The following AFF4 variants were observed in gnomAD, a reference collection of about 807,000 sequenced individuals.
AFF4 encodes the protein AF4/FMR2 family member 4.
AFF4 carries 13 observed loss-of-function variants against 124.8 expected under a neutral mutation model. The ratio of observed to expected loss-of-function variants is 0.10; its 90% CI spans 0.07 to 0.17. The LOEUF (loss-of-function observed/expected upper bound fraction) is 0.17, where lower values mean the gene tolerates loss of function less well. Ranked by LOEUF, AFF4 falls within the 10% of genes least tolerant of loss-of-function variation. AFF4 has a pLI of 1.00. For missense variants in AFF4, 1,092 were observed against 1,403.8 expected (o/e 0.78, Z 3.55); for synonymous variants, 477 against 496.1 (o/e 0.96, Z 0.51).
rs1759822188 is a variant in AFF4, at chr5:132,875,673, T to C, written c.*5386A>G. 5.0e-6 allele frequency: 1 copy of C among 200,748 alleles called. No homozygotes were observed. Among genetic ancestry groups the C allele is most frequent in the Admixed American group, 6.0e-5 (1 of 16,642 alleles). 12.4% of individuals were successfully genotyped at this position (200,748 alleles called of 1,614,324 possible). A position where few individuals can be genotyped will look rare whatever the true frequency, so the allele number is the denominator to read the frequency against. ...AAAATCTAGTTAGTATATAATACTT[T>C]GCTCACCATTAACAGCTTTATCGTG... On this transcript the variant is annotated 3_prime_UTR_variant, in exon 21 of 21. Coordinates refer to ENST00000265343, the MANE Select transcript of AFF4 (RefSeq NM_014423.4).
chr5:132,921,473 CTTTTT>C (rs142500965), intron 5 of AFF4, among the ~76,000 whole-genome samples: 1 of 119,896 alleles, frequency 8.3e-6, no homozygotes, highest in African/African-American at 2.8e-5. Context: ...TTTTTTTTTT[CTTTTT>C]TTTTTTTTTG....
intron 9 of AFF4, 102 bp from the exon 10 acceptor site, chr5:132,898,494 T>C: frequency 1.6e-6 from 2 of 1,253,810 alleles, no homozygotes; most frequent in Non-Finnish European, 2.2e-6. Context: ...TCTTGTCTTT[T>C]TTTTTTTTAG....
chr5:132,900,861 A>G, intron 7 of AFF4: 1 of 981,332 alleles, frequency 1.0e-6, no homozygotes, highest in Non-Finnish European at 1.2e-6. Context: ...CATTATCAGT[A>G]ATTCCATTAC....
At chr5:132,926,400 G>C (rs1478531839) in intron 5 of AFF4, among the ~76,000 whole-genome samples, 1 of 152,166 alleles carries the variant, frequency 6.6e-6, no homozygotes, top group East Asian at 1.9e-4. Flanking sequence ...CCTTGGAACT[G>C]TTATCTGAGG....
chr5:132,957,215 C>T (rs1188201043), intron 1 of AFF4, among the ~76,000 whole-genome samples: 2 of 151,330 alleles, frequency 1.3e-5, no homozygotes, highest in Non-Finnish European at 2.9e-5. Flanking sequence ...GTGGCTCGTG[C>T]CTGTAGTCCT....
intron 1 of AFF4, among the ~76,000 whole-genome samples, chr5:132,946,278 A>T (rs1057279749): frequency 6.6e-6 from 1 of 152,196 alleles, no homozygotes; most frequent in Non-Finnish European, 1.5e-5. Context: ...TTAACAAATA[A>T]TTACCATAGG....
intron 14 of AFF4, among the ~76,000 whole-genome samples, chr5:132,888,561 AGGC>A (rs1760175955): frequency 1.3e-5 from 2 of 152,234 alleles, no homozygotes; most frequent in Non-Finnish European, 2.9e-5. Flanking sequence ...TTCTACTGGA[AGGC>A]AGATCATTCA....
rs1160529687 is a variant in AFF4, at chr5:132,876,725, C to T, written c.*4334G>A. 1.5e-5 allele frequency: 3 copies of T among 197,092 alleles called. No homozygotes were observed. The highest frequency in any genetic ancestry group is 2.3e-5 in the African/African-American group (1 of 43,290). 12.2% of individuals were successfully genotyped at this position (197,092 alleles called of 1,614,324 possible). A position where few individuals can be genotyped will look rare whatever the true frequency, so the allele number is the denominator to read the frequency against. Reference sequence around the variant, plus strand: ...TTCCCTTTTCTGGAGACAGCAAGTTCTTTCTAATTAACCATAGGGTTCATG... The same window carrying T: ...TTCCCTTTTCTGGAGACAGCAAGTTTTTTCTAATTAACCATAGGGTTCATG... On this transcript the variant is annotated 3_prime_UTR_variant, in exon 21 of 21. Transcript: ENST00000265343.
At chr5:132,890,416 G>A (rs1439348866) in intron 13 of AFF4, among the ~76,000 whole-genome samples, 2 of 151,950 alleles carry the variant, frequency 1.3e-5, no homozygotes, top group Non-Finnish European at 2.9e-5. Context: ...TACAGGCCGT[G>A]AGCCACCATG....
At chr5:132,881,457 G>C (rs1484732491) in intron 20 of AFF4, among the ~76,000 whole-genome samples, 4 of 152,118 alleles carry the variant, frequency 2.6e-5, no homozygotes, top group Non-Finnish European at 5.9e-5. Context: ...ATGATAAATT[G>C]CTATTATGCA....
chr5:132,889,215 G>T, intron 13 of AFF4, 42 bp from the exon 14 acceptor site: 2 of 1,387,698 alleles, frequency 1.4e-6, no homozygotes, highest in Non-Finnish European at 2.0e-6. Flanking sequence ...ACCGTAAGGA[G>T]ATTAAAAATG....
rs993728462 is a variant in AFF4, at chr5:132,957,571, A to T, written c.-5+5688T>A. 5.3e-5 allele frequency among the ~76,000 whole-genome samples: 8 copies of T among 151,886 alleles called. No individual in the cohort carries two copies. The South Asian group carries it at 1.0e-3, about 20-fold the overall frequency. On this transcript the variant is annotated intron_variant, in intron 1 of 20. Coordinates refer to ENST00000265343, the MANE Select transcript of AFF4 (RefSeq NM_014423.4). Reference sequence around the variant, plus strand: ...AACATGGCAAAACCCTGTCTCTACTAAAAATACAAAAATTGGCTGGGCATG... The same window carrying T: ...AACATGGCAAAACCCTGTCTCTACTTAAAATACAAAAATTGGCTGGGCATG...
At chr5:132,936,266 C>CATA (rs1554077587) in intron 2 of AFF4, among the ~76,000 whole-genome samples, 2 of 45,460 alleles carry the variant, frequency 4.4e-5, no homozygotes, top group Non-Finnish European at 7.9e-5. Flanking sequence ...GACTCCGTCT[C>CATA]AAAAAAAAAA....
intron 13 of AFF4, 88 bp from the exon 14 acceptor site, chr5:132,889,261 GAA>G: frequency 1.1e-6 from 1 of 889,856 alleles, no homozygotes; most frequent in East Asian, 2.6e-5. Flanking sequence ...TGGTAAAAAG[GAA>G]ACAAAATTTC....
rs974411482 is a variant in AFF4, at chr5:132,878,858, C to G, written c.*2201G>C. 2 of 223,984 alleles carry G rather than the reference C, an allele frequency of 8.9e-6. No individual in the cohort carries two copies. Among genetic ancestry groups the G allele is most frequent in the African/African-American group, 4.5e-5 (2 of 44,862 alleles). 13.9% of individuals were successfully genotyped at this position (223,984 alleles called of 1,614,324 possible). A position where few individuals can be genotyped will look rare whatever the true frequency, so the allele number is the denominator to read the frequency against. On this transcript the variant is annotated 3_prime_UTR_variant, in exon 21 of 21. Transcript: ENST00000265343. ...AACACAAGAACTCAGAGGTATCCCA[C>G]TGGCTGTTGTTGCTGAAAGTCTGAA...
intron 1 of AFF4, among the ~76,000 whole-genome samples, chr5:132,954,798 C>T (rs77477294): frequency 0.12 from 17,500 of 151,994 alleles, 1,282 homozygotes; most frequent in South Asian, 0.2. Flanking sequence ...CCGCCCGCCT[C>T]GGCCTCCCAA....
intron 2 of AFF4, 140 bp downstream of exon 2, chr5:132,936,927 T>C: frequency 8.7e-7 from 1 of 1,143,370 alleles, no homozygotes; most frequent in Non-Finnish European, 1.2e-6. Context: ...AAAAAATATC[T>C]TCTATGTAAA....
intron 1 of AFF4, among the ~76,000 whole-genome samples, chr5:132,958,544 G>A (rs2150115557): frequency 6.6e-6 from 1 of 151,966 alleles, no homozygotes; most frequent in Admixed American, 6.6e-5. Context: ...CTGGAGTGGG[G>A]TGAAGAATTA....
At chr5:132,917,705 C>CTTTTTTTTTTTTTTT (rs58145774) in intron 5 of AFF4, among the ~76,000 whole-genome samples, 48 of 74,020 alleles carry the variant, frequency 6.5e-4, no homozygotes, top group Non-Finnish European at 8.4e-4. Flanking sequence ...CTTTTCTTTT[C>CTTTTTTTTTTTTTTT]TTTTTTTTTT....
Sources: gnomAD v4.1 joint callset for allele counts (sites outside exome capture counted in the v4.1 genomes callset) on GRCh38, gnomAD v4.1.1 for gene constraint, MANE v1.5 for transcripts, NCBI Gene and HGNC (gene_info 2026-07-23, HGNC 2026-07-21) for gene names.